TOX2: variants seen among roughly 807,000 people sequenced by gnomAD.
TOX2 encodes TOX high mobility group box family member 2.
A neutral mutation model predicts 47.4 loss-of-function variants in TOX2; 15 were observed. The observed-to-expected ratio is 0.32, with a 90% CI of 0.21 to 0.49. The LOEUF is 0.49. Ranked by LOEUF, TOX2 falls within the 20% of genes least tolerant of loss-of-function variation. TOX2 has a pLI of 0.99. For missense variants in TOX2, 622 were observed against 673.1 expected, an observed-to-expected ratio of 0.92 and a Z score of 0.84; for synonymous variants, 290 against 296.6, an observed-to-expected ratio of 0.98 and a Z score of 0.23.
At chr20:43,949,355 A>G (rs1479945612) in intron 1 of TOX2, among the ~76,000 whole-genome samples, 8 of 151,886 alleles carry the variant, frequency 5.3e-5, no homozygotes, top group Non-Finnish European at 7.4e-5. Context: ...CCCTGCCTCC[A>G]CCCTTCCTCC....
At chr20:43,960,909 C>G (rs933319939) in intron 1 of TOX2, among the ~76,000 whole-genome samples, 1 of 152,204 alleles carries the variant, frequency 6.6e-6, no homozygotes. Flanking sequence ...GAGGGCATCA[C>G]CCATTCAACC....
rs755479356 is a variant in TOX2 at position 44,054,384 on chromosome 20, C to T, written c.737C>T (p.Pro246Leu). The change falls in exon 5 of 9, where the codon CCG becomes CTG. Residue 246 changes from proline (P) to leucine (L), a missense_variant. Physicochemically the swap from Pro to Leu is moderately conservative, Grantham distance 98. Transcript: ENST00000341197. The part of the protein sequence containing the change: ...KKKKKKDPNE[P>L]QKPVSAYALF... Reference sequence around the variant, plus strand: ...AAGAAAAAGAAGGACCCCAATGAGCCGCAGAAGCCTGTGTCGGCCTACGCA... The same window carrying T: ...AAGAAAAAGAAGGACCCCAATGAGCTGCAGAAGCCTGTGTCGGCCTACGCA... The T allele has an allele frequency of 6.2e-7, 1 of 1,611,708 alleles. No homozygotes were observed. Among genetic ancestry groups the T allele is most frequent in the Admixed American group, 1.7e-5 (1 of 59,308 alleles).
At chr20:44,024,876 G>A (rs1418035303) in intron 3 of TOX2, among the ~76,000 whole-genome samples, 1 of 151,940 alleles carries the variant, frequency 6.6e-6, no homozygotes, top group Non-Finnish European at 1.5e-5. Context: ...TACATACATG[G>A]GACCCGAATG....
chr20:43,980,209 A>C (rs2070147733), intron 2 of TOX2, among the ~76,000 whole-genome samples: 3 of 152,196 alleles, frequency 2.0e-5, no homozygotes, highest in Non-Finnish European at 4.4e-5. Context: ...AGAGAATGAG[A>C]TCCATTTGCA....
In TOX2 at chr20:43,951,707, G is replaced by GTTTTTTTTTTTTTTT. The variant is rs59829203; in HGVS notation, c.100-21653_100-21639dup. Among the ~76,000 whole-genome samples the GTTTTTTTTTTTTTTT allele has an allele frequency of 1.6e-3, 90 of 55,090 alleles. 23 individuals are homozygous for GTTTTTTTTTTTTTTT. The highest frequency in any genetic ancestry group is 5.8e-3 in the East Asian group (11 of 1,890). 36.1% of individuals were successfully genotyped at this position (55,090 alleles called of 152,430 possible). ...TGACCATTACTATTAAACTTATTAT[G>GTTTTTTTTTTTTTTT]TTTTTTTTTTTTTTTTTTTTTAGAG... On this transcript the variant is annotated intron_variant, in intron 1 of 8. Coordinates refer to ENST00000341197, the MANE Select transcript of TOX2 (RefSeq NM_001098797.2).
At chr20:44,061,341 A>G (rs1231082296) in intron 5 of TOX2, among the ~76,000 whole-genome samples, 1 of 152,176 alleles carries the variant, frequency 6.6e-6, no homozygotes, top group Non-Finnish European at 1.5e-5. Flanking sequence ...TCCTTCCTAA[A>G]TTATTCTATG....
intron 3 of TOX2, among the ~76,000 whole-genome samples, chr20:44,021,025 T>A (rs1220844610): frequency 1.3e-5 from 2 of 151,974 alleles, no homozygotes; most frequent in African/African-American, 4.8e-5. Flanking sequence ...TCAGAAAGAC[T>A]CTAGGTTTTC....
At chr20:43,965,340 T>A (rs1302823955) in intron 1 of TOX2, among the ~76,000 whole-genome samples, 1 of 152,192 alleles carries the variant, frequency 6.6e-6, no homozygotes, top group Non-Finnish European at 1.5e-5. Flanking sequence ...TCAAAGAACA[T>A]CTTTTCCTTT....
At chr20:43,930,636 G>T (rs1160476740) in intron 1 of TOX2, among the ~76,000 whole-genome samples, 1 of 152,178 alleles carries the variant, frequency 6.6e-6, no homozygotes, top group African/African-American at 2.4e-5. Context: ...GGGCACAGTT[G>T]GCCTGGCCTT....
At chr20:43,990,423 CG>C (rs1378579179) in intron 2 of TOX2, among the ~76,000 whole-genome samples, 22 of 152,110 alleles carry the variant, frequency 1.4e-4, no homozygotes, top group Admixed American at 1.4e-3. Context: ...TACAGGAGCA[CG>C]GGGTCCAGGC....
rs2069048897 is a variant in TOX2, at chr20:43,915,780, C to T, written c.99+790C>T. On this transcript the variant is annotated intron_variant, in intron 1 of 8. Transcript: ENST00000341197. The surrounding 1 kb of genome is among the most constrained non-coding windows in gnomAD (Gnocchi z 7.1). ...CGGCCAATCGAGGCCTGTGTCCTCC[C>T]GGGAGCGGTGAGCCGGCGTCCCTCC... is the stretch of plus-strand genomic sequence containing the variant. Among the ~76,000 whole-genome samples the T allele has an allele frequency of 6.6e-6, 1 of 152,274 alleles. No individual in the cohort carries two copies. The highest frequency in any genetic ancestry group is 1.5e-5 in the Non-Finnish European group (1 of 68,048).
chr20:44,047,081 A>G lies in TOX2; in HGVS notation c.412-4225A>G, dbSNP rs563148761. Among the ~76,000 whole-genome samples, 4 of 152,374 alleles carry G rather than the reference A, an allele frequency of 2.6e-5. No homozygotes were observed. The South Asian group carries it at 6.2e-4, about 24-fold the overall frequency. On this transcript the variant is annotated intron_variant, in intron 3 of 8. Transcript: ENST00000341197. ...TTAGGGTCAGAGAGAAAATAAAATC[A>G]TCAATGTAGACTATTTTAAAAATAC...
At chr20:44,040,995 CAG>C (rs2071323225) in intron 3 of TOX2, among the ~76,000 whole-genome samples, 1 of 152,118 alleles carries the variant, frequency 6.6e-6, no homozygotes. Context: ...TGTCTAGAAG[CAG>C]AGCCTGAGAT....
At chr20:44,052,736 G>C (rs912042709) in intron 4 of TOX2, among the ~76,000 whole-genome samples, 19 of 152,342 alleles carry the variant, frequency 1.2e-4, no homozygotes, top group Middle Eastern at 3.4e-3. Flanking sequence ...GAGGCACAGA[G>C]AGGTTAAGTA....
At chr20:44,031,443 G>A (rs762018809) in intron 3 of TOX2, among the ~76,000 whole-genome samples, 23 of 152,142 alleles carry the variant, frequency 1.5e-4, no homozygotes, top group South Asian at 2.1e-4. Context: ...ATATTGGTGC[G>A]ATTAGCTCAT....
intron 3 of TOX2, among the ~76,000 whole-genome samples, chr20:44,046,799 G>A (rs2071415000): frequency 6.6e-6 from 1 of 152,118 alleles, no homozygotes; most frequent in African/African-American, 2.4e-5. Flanking sequence ...TACATGAACG[G>A]TTTTGCAAAA....
chr20:43,959,617 A>C (rs533900007), intron 1 of TOX2, among the ~76,000 whole-genome samples: 3 of 152,308 alleles, frequency 2.0e-5, no homozygotes, highest in Admixed American at 2.0e-4. Context: ...GGCATGATTG[A>C]GGGCTTGTTT....
chr20:44,055,382 G>C (rs2071598620), intron 5 of TOX2, among the ~76,000 whole-genome samples: 1 of 152,232 alleles, frequency 6.6e-6, no homozygotes, highest in South Asian at 2.1e-4. Context: ...CACCAGGTGA[G>C]ACCTGAAGTG....
In TOX2 at chr20:43,916,275, G is replaced by T. The variant is rs1015422255; in HGVS notation, c.99+1285G>T. 1.0e-6 allele frequency: 1 copy of T among 971,644 alleles called. No homozygotes were observed. Among genetic ancestry groups the T allele is most frequent in the South Asian group, 4.8e-5 (1 of 21,016 alleles). The allele number at this position is 971,644 out of a possible 1,614,324, so 60.2% of individuals were successfully genotyped here. A position where few individuals can be genotyped will look rare whatever the true frequency, so the allele number is the denominator to read the frequency against. ...CTCTCCCCAACCTCGCAGGCTTTTC[G>T]TCAGGCCCCTGGTAGTGGGGATGAG... is the stretch of plus-strand genomic sequence containing the variant. On this transcript the variant is annotated intron_variant, in intron 1 of 8. Transcript: ENST00000341197. This position sits in a 1 kb window ranked among gnomAD's most constrained non-coding sequence, Gnocchi z 5.0.
Sources: allele counts gnomAD v4.1 joint callset (sites outside exome capture counted in the v4.1 genomes callset), GRCh38; gene constraint gnomAD v4.1.1; non-coding constraint Gnocchi (gnomAD v3.1); transcripts MANE v1.5; gene names NCBI Gene and HGNC (gene_info 2026-07-23, HGNC 2026-07-21).